KIAA1549L: variants seen among roughly 807,000 people sequenced by gnomAD.
KIAA1549L encodes UPF0606 protein KIAA1549L.
A neutral mutation model predicts 160.7 loss-of-function variants in KIAA1549L; 88 were observed. The observed-to-expected ratio is 0.55, with a 90% confidence interval of 0.46 to 0.65. The LOEUF (loss-of-function observed/expected upper bound fraction) is 0.65, where lower values mean the gene tolerates loss of function less well. Ranked by LOEUF, KIAA1549L falls within the 30% of genes least tolerant of loss-of-function variation. The probability of loss-of-function intolerance (pLI) is 0.00; values close to 1 mark genes in which losing one functional copy is unlikely to be tolerated. For missense variants in KIAA1549L, 2,258 were observed against 2,437.5 expected (o/e 0.93, Z 1.55); for synonymous variants, 950 against 976.7 (o/e 0.97, Z 0.51).
intron 1 of KIAA1549L, among the ~76,000 whole-genome samples, chr11:33,449,190 A>G (rs1851673153): frequency 1.3e-5 from 2 of 151,952 alleles, no homozygotes; most frequent in African/African-American, 4.8e-5. Flanking sequence ...TTATTTTATA[A>G]TGGGCTTAAA....
At chr11:33,380,409 A>T (rs2134030102) in intron 1 of KIAA1549L, among the ~76,000 whole-genome samples, 1 of 152,312 alleles carries the variant, frequency 6.6e-6, no homozygotes, top group Admixed American at 6.5e-5. Flanking sequence ...ATATATTTGC[A>T]TGTTGATAGA....
intron 16 of KIAA1549L, among the ~76,000 whole-genome samples, chr11:33,630,995 G>A (rs1851271510): frequency 6.6e-6 from 1 of 152,184 alleles, no homozygotes; most frequent in Non-Finnish European, 1.5e-5. Flanking sequence ...GAGAGGTGGA[G>A]GCACGTGCAA....
At chr11:33,385,167 AT>A (rs1221584800) in intron 1 of KIAA1549L, among the ~76,000 whole-genome samples, 1 of 152,044 alleles carries the variant, frequency 6.6e-6, no homozygotes, top group African/African-American at 2.4e-5. Flanking sequence ...ATCAAGGTTA[AT>A]TTTTTTATAT....
intron 1 of KIAA1549L, among the ~76,000 whole-genome samples, chr11:33,467,654 C>T (rs773652530): frequency 4.6e-5 from 7 of 152,326 alleles, no homozygotes; most frequent in Middle Eastern, 3.4e-3. Flanking sequence ...TTATCTTCAC[C>T]GCTTTCTCTG....
chr11:33,592,626 T>C (rs529496729), intron 12 of KIAA1549L, among the ~76,000 whole-genome samples: 1 of 152,306 alleles, frequency 6.6e-6, no homozygotes, highest in South Asian at 2.1e-4. Flanking sequence ...GAGTTACTGT[T>C]CTTGGGCAGC....
chr11:33,408,938 C>T (rs60590374), intron 1 of KIAA1549L, among the ~76,000 whole-genome samples: 48,185 of 132,360 alleles, frequency 0.36, 8,909 homozygotes, highest in Non-Finnish European at 0.41. Flanking sequence ...TGACAGAGCG[C>T]GACTCCATCT....
At chr11:33,551,007 A>C (rs1275603745) in intron 4 of KIAA1549L, 33 bp from the exon 5 acceptor site, 3 of 1,574,494 alleles carry the variant, frequency 1.9e-6, no homozygotes, top group Non-Finnish European at 2.6e-6. Context: ...GTGGAAATAA[A>C]CAATGGGTTT....
chr11:33,495,396 A>C (rs1283698054), intron 1 of KIAA1549L, among the ~76,000 whole-genome samples: 4 of 150,824 alleles, frequency 2.7e-5, no homozygotes, highest in African/African-American at 4.9e-5. Context: ...TTGTTCTTGC[A>C]ATAGTTTACT....
chr11:33,470,974 T>C, intron 1 of KIAA1549L, among the ~76,000 whole-genome samples: 1 of 152,046 alleles, frequency 6.6e-6, no homozygotes, highest in African/African-American at 2.4e-5. Context: ...ATTTGTTAGG[T>C]GTTTCCATAA....
intron 8 of KIAA1549L, among the ~76,000 whole-genome samples, chr11:33,562,232 C>T (rs1353382648): frequency 1.3e-5 from 2 of 152,158 alleles, no homozygotes; most frequent in East Asian, 1.9e-4. Flanking sequence ...TCTTTTGTTC[C>T]TTGACATTTT....
At chr11:33,661,206 G>A (rs534817641) in intron 20 of KIAA1549L, among the ~76,000 whole-genome samples, 192 bp downstream of exon 20, 4 of 152,330 alleles carry the variant, frequency 2.6e-5, no homozygotes, top group African/African-American at 9.6e-5. Flanking sequence ...AGAGGACCTT[G>A]AGACCTGCCT....
At chr11:33,625,584 T>G (rs900130481) in intron 16 of KIAA1549L, among the ~76,000 whole-genome samples, 4 of 152,194 alleles carry the variant, frequency 2.6e-5, no homozygotes, top group Non-Finnish European at 5.9e-5. Flanking sequence ...TTCATGTCCT[T>G]TGCCCACTTT....
intron 1 of KIAA1549L, among the ~76,000 whole-genome samples, chr11:33,522,617 G>T (rs1480266176): frequency 6.6e-6 from 1 of 152,132 alleles, no homozygotes; most frequent in African/African-American, 2.4e-5. Context: ...GAACCAATCA[G>T]TATAATAATA....
rs373558126 is a variant in KIAA1549L at position 33,590,765 on chromosome 11, A to T, written c.4567-472A>T. 3.9e-5 allele frequency among the ~76,000 whole-genome samples: 6 copies of T among 152,302 alleles called. No individual in the cohort carries two copies. In the East Asian group the frequency reaches 7.7e-4, roughly 20 times the overall value. On this transcript the variant is annotated intron_variant, in intron 11 of 20. Transcript: ENST00000658780. ...ATTATCTTCAGTTCTCAGATGAAAA[A>T]ATTGAGGTTCAGAGTTCAAGTGGCT...
At chr11:33,465,748 A>G (rs1020647440) in intron 1 of KIAA1549L, among the ~76,000 whole-genome samples, 2 of 152,216 alleles carry the variant, frequency 1.3e-5, no homozygotes, top group Non-Finnish European at 2.9e-5. Context: ...TGGAGAAAGG[A>G]TTCCCTATTT....
chr11:33,557,161 C>T (rs1322831825), intron 6 of KIAA1549L, among the ~76,000 whole-genome samples: 2 of 151,894 alleles, frequency 1.3e-5, no homozygotes, highest in African/African-American at 4.8e-5. Flanking sequence ...CAATTTTTTT[C>T]TATTTTTTGT....
Position 33,645,688 on chromosome 11 carries a change from T to C in KIAA1549L, c.5412T>C (p.Thr1804=). 1 of 1,610,930 alleles carries C rather than the reference T, an allele frequency of 6.2e-7. No individual in the cohort carries two copies. Among genetic ancestry groups the C allele is most frequent in the African/African-American group, 1.3e-5 (1 of 74,980 alleles). Residue 1804 remains threonine (T), a splice_region_variant and synonymous_variant, in exon 17 of 21, where the codon ACT becomes ACC. Coordinates refer to ENST00000658780, the MANE Select transcript of KIAA1549L (RefSeq NM_012194.3). ...ATGGGCTTTGTTTCCTCCCACAGACTGAGCCTGAAATCATAGAGGAAACCA... is the reference window on the plus strand; with the variant it reads ...ATGGGCTTTGTTTCCTCCCACAGACCGAGCCTGAAATCATAGAGGAAACCA... ...RRGIRNSGYD[T]EPEIIEETNI...
chr11:33,582,961 G>C (rs1034122360), intron 10 of KIAA1549L, among the ~76,000 whole-genome samples: 2 of 152,132 alleles, frequency 1.3e-5, no homozygotes, highest in Non-Finnish European at 2.9e-5. Flanking sequence ...TTTCTAATCT[G>C]CACATTTCTC....
intron 1 of KIAA1549L, among the ~76,000 whole-genome samples, chr11:33,430,993 T>A (rs1432278792): frequency 6.6e-6 from 1 of 152,058 alleles, no homozygotes; most frequent in Non-Finnish European, 1.5e-5. Flanking sequence ...TTCCTTCTGA[T>A]GTTCAGATGT....
Sources: gnomAD v4.1 joint callset for allele counts (sites outside exome capture counted in the v4.1 genomes callset) on GRCh38, gnomAD v4.1.1 for gene constraint, MANE v1.5 for transcripts, NCBI Gene and HGNC (gene_info 2026-07-23, HGNC 2026-07-21) for gene names.